DMGDH: variants seen among roughly 807,000 people sequenced by gnomAD.
The protein encoded by DMGDH is dimethylglycine dehydrogenase, mitochondrial.
Under a neutral mutation model 95.2 loss-of-function variants are expected in DMGDH, and 76 were observed. The observed-to-expected ratio is 0.80, with a 90% CI of 0.66 to 0.97. The LOEUF (loss-of-function observed/expected upper bound fraction) is 0.97. Among genes scored for constraint, DMGDH ranks in the 50% least tolerant of loss-of-function variants. The pLI is 0.00. For synonymous variants in DMGDH, 345 were observed against 377.6 expected (o/e 0.91, Z 1.00); for missense variants, 987 against 1,055.0 (o/e 0.94, Z 0.89).
Position 79,051,355 on chromosome 5 carries a change from G to A in DMGDH, c.677C>T (p.Ser226Leu). ...PAPVTSLKAR[S>L]DGTWDVETPQ... Reference sequence around the variant, plus strand: ...TGTTTCAACGTCCCATGTTCCATCTGACCTGGCTTTCAGAGAAGTTACTGG... The same window carrying A: ...TGTTTCAACGTCCCATGTTCCATCTAACCTGGCTTTCAGAGAAGTTACTGG... Residue 226 changes from serine (S) to leucine (L), a missense_variant, in exon 5 of 16, where the codon TCA (serine) becomes TTA (leucine). Physicochemically the swap from Ser to Leu is moderately radical, Grantham distance 145. Coordinates refer to ENST00000255189, the MANE Select transcript of DMGDH (RefSeq NM_013391.3). The A allele has an allele frequency of 6.2e-7, 1 of 1,614,120 alleles. No individual in the cohort carries two copies. Among genetic ancestry groups the A allele is most frequent in the African/African-American group, 1.3e-5 (1 of 75,030 alleles).
chr5:79,033,106 T>A, intron 8 of DMGDH, 133 bp downstream of exon 8: 1 of 1,145,104 alleles, frequency 8.7e-7, no homozygotes, highest in Non-Finnish European at 1.3e-6. Context: ...TTGTTATGTC[T>A]CAGGGGCACA....
At chr5:79,050,797 G>A (rs1754829668) in intron 5 of DMGDH, among the ~76,000 whole-genome samples, 1 of 152,184 alleles carries the variant, frequency 6.6e-6, no homozygotes, top group African/African-American at 2.4e-5. Flanking sequence ...AACAAAAAGA[G>A]AAGATTATGA....
chr5:78,998,668 G>C (rs1488023324), intron 15 of DMGDH, among the ~76,000 whole-genome samples: 1 of 152,092 alleles, frequency 6.6e-6, no homozygotes, highest in African/African-American at 2.4e-5. Context: ...TGGCCAAAAT[G>C]GTGAAACCCC....
intron 9 of DMGDH, among the ~76,000 whole-genome samples, chr5:79,032,412 G>C (rs1274004278): frequency 1.3e-5 from 2 of 152,172 alleles, no homozygotes; most frequent in South Asian, 2.1e-4. Context: ...TTTGGAGGGC[G>C]GTCGCAAGTT....
chr5:79,006,861 C>A, intron 14 of DMGDH, among the ~76,000 whole-genome samples: 1 of 123,568 alleles, frequency 8.1e-6, no homozygotes. Flanking sequence ...CCAGTCCATT[C>A]CTTTCCTAGT....
At position 79,032,843 on chromosome 5, in the gene DMGDH, G is replaced by A. The variant is rs1754229942; in HGVS notation, c.1364-3C>T. 2.5e-6 allele frequency: 4 copies of A among 1,613,974 alleles called. No individual in the cohort carries two copies. The highest frequency in any genetic ancestry group is 2.2e-5 in the South Asian group (2 of 91,070). ...CCGTTCTTCTTTAGGATAACCAACTGAAAAGGAAAAATTGGTACTTTAAAT... is the reference window on the plus strand; with the variant it reads ...CCGTTCTTCTTTAGGATAACCAACTAAAAAGGAAAAATTGGTACTTTAAAT... On this transcript the variant is annotated splice_polypyrimidine_tract_variant and splice_region_variant and intron_variant, in intron 8 of 15. Coordinates refer to ENST00000255189, the MANE Select transcript of DMGDH (RefSeq NM_013391.3).
At position 79,055,853 on chromosome 5, in the gene DMGDH, T is replaced by C; in HGVS notation, c.332A>G (p.Asp111Gly). The C allele has an allele frequency of 6.2e-7, 1 of 1,612,688 alleles. No individual in the cohort carries two copies. The highest frequency in any genetic ancestry group is 8.5e-7 in the Non-Finnish European group (1 of 1,178,716). Residue 111 changes from aspartate (D) to glycine (G), a missense_variant, in exon 3 of 16, where the codon GAT (aspartate) becomes GGT (glycine). Physicochemically the swap from Asp to Gly is moderately conservative, Grantham distance 94 (BLOSUM62 -1). Transcript: ENST00000255189. ...CAGTTTCTCATAAAGTTTGATGCTA[T>C]CATAATGTATTTTCTTCAAGTTTAT... ...PGINLKKIHY[D>G]SIKLYEKLEE...
intron 7 of DMGDH, among the ~76,000 whole-genome samples, chr5:79,040,133 G>C (rs935806908): frequency 6.6e-6 from 1 of 152,220 alleles, no homozygotes; most frequent in Non-Finnish European, 1.5e-5. Flanking sequence ...CCCGAGACTT[G>C]AGACTGTTGT....
intron 15 of DMGDH, among the ~76,000 whole-genome samples, chr5:79,002,777 G>A (rs1753474662): frequency 6.6e-6 from 1 of 152,192 alleles, no homozygotes; most frequent in South Asian, 2.1e-4. Flanking sequence ...TCAGTCCAGA[G>A]TAAAGAGGAT....
At chr5:79,018,367 G>A (rs1256470334) in intron 14 of DMGDH, among the ~76,000 whole-genome samples, 2 of 152,106 alleles carry the variant, frequency 1.3e-5, no homozygotes, top group Non-Finnish European at 2.9e-5. Context: ...CAACACAAAT[G>A]ACTCTCAAGT....
intron 7 of DMGDH, among the ~76,000 whole-genome samples, chr5:79,038,102 AC>A (rs1404299231): frequency 6.6e-6 from 1 of 152,318 alleles, no homozygotes; most frequent in East Asian, 1.9e-4. Flanking sequence ...TCCAGCCAAA[AC>A]AATTTTGAAA....
At chr5:79,022,233 G>A (rs186625655) in intron 14 of DMGDH, among the ~76,000 whole-genome samples, 59 of 152,258 alleles carry the variant, frequency 3.9e-4, no homozygotes, top group Admixed American at 2.2e-3. Context: ...TCGATTTTCC[G>A]AAGCAATTAT....
At chr5:79,037,538 C>T (rs1754379411) in intron 7 of DMGDH, among the ~76,000 whole-genome samples, 1 of 152,060 alleles carries the variant, frequency 6.6e-6, no homozygotes, top group Admixed American at 6.5e-5. Flanking sequence ...CAGGGAGGCA[C>T]TTTGCCCACC....
At chr5:79,036,466 G>A (rs372139302) in intron 7 of DMGDH, among the ~76,000 whole-genome samples, 51 of 152,182 alleles carry the variant, frequency 3.4e-4, no homozygotes, top group Non-Finnish European at 6.0e-4. Context: ...TTTATAATCC[G>A]TTCTAAGCCA....
intron 7 of DMGDH, among the ~76,000 whole-genome samples, chr5:79,034,600 C>A (rs549173429): frequency 6.6e-6 from 1 of 152,224 alleles, no homozygotes; most frequent in African/African-American, 2.4e-5. Context: ...AAGCAGACAT[C>A]AAGACACAGA....
At chr5:79,042,896 GA>G (rs1754555660) in intron 6 of DMGDH, among the ~76,000 whole-genome samples, 1 of 152,078 alleles carries the variant, frequency 6.6e-6, no homozygotes, top group African/African-American at 2.4e-5. Flanking sequence ...CAGAATACTG[GA>G]AAAAGTGGAA....
chr5:79,030,866 T>C lies in DMGDH; in HGVS notation c.1650A>G (p.Leu550=), dbSNP rs747297137. 3 of 1,614,126 alleles carry C rather than the reference T, an allele frequency of 1.9e-6. No homozygotes were observed. The South Asian group carries it at 3.3e-5, about 18-fold the overall frequency. Reference sequence around the variant, plus strand: ...TGACATTTGCAAAGAGATGGTCCAGTAGTCTAATGGAATCTTGGCCTTTGA... The same window carrying C: ...TGACATTTGCAAAGAGATGGTCCAGCAGTCTAATGGAATCTTGGCCTTTGA... ...FNIKGQDSIR[L]LDHLFANVIP... Residue 550 remains leucine (L), a synonymous_variant, in exon 10 of 16, where the codon CTA becomes CTG. Transcript: ENST00000255189.
chr5:79,028,511 C>G lies in DMGDH; in HGVS notation c.1954G>C (p.Asp652His), dbSNP rs1754061136. The G allele has an allele frequency of 6.2e-7, 1 of 1,614,110 alleles. No homozygotes were observed. The highest frequency in any genetic ancestry group is 8.5e-7 in the Non-Finnish European group (1 of 1,180,012). The change falls in exon 12 of 16, where the codon GAT becomes CAT. Residue 652 changes from aspartate to histidine, a missense_variant. Asp to His is a moderately conservative substitution (Grantham distance 81). Coordinates refer to ENST00000255189, the MANE Select transcript of DMGDH (RefSeq NM_013391.3). ...QKLTSEDLSD[D>H]VFKFLQTKSL... ...TTGGTTTGAAGAAACTTGAAAACAT[C>G]ATCACTAAGATCTTCAGAGGTCAGT...
chr5:79,033,728 C>T (rs898615243), intron 7 of DMGDH, among the ~76,000 whole-genome samples: 8 of 152,210 alleles, frequency 5.3e-5, no homozygotes, highest in Non-Finnish European at 8.8e-5. Flanking sequence ...ACCAGGAGTT[C>T]GAGAACGGCC....
Sources: gnomAD v4.1 joint callset for allele counts (sites outside exome capture counted in the v4.1 genomes callset) on GRCh38, gnomAD v4.1.1 for gene constraint, MANE v1.5 for transcripts, NCBI Gene and HGNC (gene_info 2026-07-23, HGNC 2026-07-21) for gene names.